KANK3: variants seen among roughly 807,000 people sequenced by gnomAD.
KANK3 encodes KN motif and ankyrin repeat domains 3, also known as KN motif and ankyrin repeat domain-containing protein 3.
Under a neutral mutation model 65.4 loss-of-function variants are expected in KANK3, and 61 were observed. That is an observed-to-expected ratio of 0.93 (90% CI 0.76 to 1.15). The LOEUF is 1.15. Ranked by LOEUF, KANK3 falls within the 50% of genes most tolerant of loss-of-function variation. The pLI, the probability that KANK3 is intolerant of heterozygous loss-of-function variation, is 0.00. For synonymous variants in KANK3, 586 were observed against 543.3 expected (o/e 1.08, Z -1.09); for missense variants, 1,187 against 1,178.8 (o/e 1.01, Z -0.10).
intron 1 of KANK3, among the ~76,000 whole-genome samples, 191 bp downstream of exon 1, chr19:8,343,034 C>T (rs769522364): frequency 6.6e-6 from 1 of 152,172 alleles, no homozygotes; most frequent in Non-Finnish European, 1.5e-5. Context: ...GAGCCCCCCA[C>T]TCTGCTCGCT....
Position 8,335,179 on chromosome 19 carries a change from C to A in KANK3, c.648G>T (p.Ala216=). The A allele has an allele frequency of 8.2e-7, 1 of 1,214,222 alleles. No individual in the cohort carries two copies. The highest frequency in any genetic ancestry group is 3.5e-5 in the South Asian group (1 of 28,600). 75.2% of individuals were successfully genotyped at this position (1,214,222 alleles called of 1,614,324 possible). A position where few individuals can be genotyped will look rare whatever the true frequency, so the allele number is the denominator to read the frequency against. Reference sequence around the variant, plus strand: ...GCAGCCGCGCCTTCTCGGCGCGCAGCGCGCGCACCTGCTCCTGCAGCTCGG... The same window carrying A: ...GCAGCCGCGCCTTCTCGGCGCGCAGAGCGCGCACCTGCTCCTGCAGCTCGG... The part of the protein sequence containing the change: ...TLPELQEQVR[A]LRAEKARLLA... The change falls in exon 3 of 11, where the codon GCG becomes GCT. Residue 216 remains alanine, a synonymous_variant. Coordinates refer to ENST00000330915, the MANE Select transcript of KANK3 (RefSeq NM_198471.3).
At chr19:8,338,873 CAAAAAAAAAAAA>C (rs35505826) in intron 1 of KANK3, among the ~76,000 whole-genome samples, 1 of 18,912 alleles carries the variant, frequency 5.3e-5, no homozygotes, top group Non-Finnish European at 1.1e-4. Context: ...GATTCCGTCT[CAAAAAAAAAAAA>C]AAAAAAAAAA....
intron 7 of KANK3, among the ~76,000 whole-genome samples, chr19:8,331,970 CA>C (rs1191225118): frequency 2.1e-5 from 3 of 140,386 alleles, no homozygotes; most frequent in Non-Finnish European, 4.6e-5. Context: ...ATGGTGGGGC[CA>C]AAAGGCCTCT....
At chr19:8,331,953 T>C (rs1363537733) in intron 7 of KANK3, among the ~76,000 whole-genome samples, 2 of 149,046 alleles carry the variant, frequency 1.3e-5, no homozygotes, top group Non-Finnish European at 1.5e-5. Flanking sequence ...AGGGCAGAAC[T>C]AGGGGTATGG....
intron 7 of KANK3, 29 bp downstream of exon 7, chr19:8,332,985 T>TGGTGG: frequency 6.8e-6 from 4 of 585,690 alleles, no homozygotes; most frequent in Non-Finnish European, 9.7e-6. Flanking sequence ...CATTTCCTGG[T>TGGTGG]GTCCCACCCA....
intron 7 of KANK3, 27 bp downstream of exon 7, chr19:8,332,987 T>TTTGGC: frequency 1.3e-5 from 5 of 395,194 alleles, no homozygotes; most frequent in Non-Finnish European, 2.4e-5. Flanking sequence ...TTTCCTGGTG[T>TTTGGC]CCCACCCACC....
At chr19:8,342,678 G>T (rs1326988905) in intron 1 of KANK3, among the ~76,000 whole-genome samples, 4 of 151,760 alleles carry the variant, frequency 2.6e-5, no homozygotes, top group Non-Finnish European at 5.9e-5. Flanking sequence ...GACTCTTGAG[G>T]TGGGTGGGTG....
In KANK3 at chr19:8,335,492, GA is replaced by G; in HGVS notation, c.334del (p.Ser112ArgfsTer4). ...APGILSQGAP[S>X]GLLMQPLSPR... ...CGACAGCGGCTGCATCAGGAGCCCCGAGGGCGCGCCCTGGGAGAGTATGCCC... is the reference window on the plus strand; with the variant it reads ...CGACAGCGGCTGCATCAGGAGCCCCGGGGCGCGCCCTGGGAGAGTATGCCC... On this transcript the variant is annotated frameshift_variant, in exon 3 of 11. Transcript: ENST00000330915. LOFTEE classifies it high-confidence loss of function. 8.1e-7 allele frequency: 1 copy of G among 1,238,548 alleles called. No individual in the cohort carries two copies. Among genetic ancestry groups the G allele is most frequent in the Non-Finnish European group, 1.0e-6 (1 of 986,210 alleles). 76.7% of individuals were successfully genotyped at this position (1,238,548 alleles called of 1,614,324 possible). A position where few individuals can be genotyped will look rare whatever the true frequency, so the allele number is the denominator to read the frequency against.
At position 8,341,752 on chromosome 19, in the gene KANK3, G is replaced by A. The variant is rs926089461; in HGVS notation, c.-29+1473C>T. ...GCAATCTTCCCAGTTCAGCCTCCCA[G>A]AGTGCTGGGATTACAAGCATGAGCT... On this transcript the variant is annotated intron_variant, in intron 1 of 10. Coordinates refer to ENST00000330915, the MANE Select transcript of KANK3 (RefSeq NM_198471.3). Among the ~76,000 whole-genome samples, 2 of 152,134 alleles carry A rather than the reference G, an allele frequency of 1.3e-5. 1 individual carries two copies. Among genetic ancestry groups the A allele is most frequent in the African/African-American group, 4.8e-5 (2 of 41,426 alleles).
intron 7 of KANK3, among the ~76,000 whole-genome samples, chr19:8,332,216 C>T (rs1021135199): frequency 2.0e-5 from 3 of 151,424 alleles, no homozygotes; most frequent in Admixed American, 6.6e-5. Flanking sequence ...CTCACTCTGT[C>T]GCCCAGGCTG....
intron 2 of KANK3, among the ~76,000 whole-genome samples, chr19:8,336,612 G>C (rs578259196): frequency 7.0e-6 from 1 of 143,490 alleles, no homozygotes; most frequent in Admixed American, 6.8e-5. Flanking sequence ...ATACATAGCT[G>C]TGCATAATGG....
rs537331903 is a variant in KANK3 at position 8,339,039 on chromosome 19, G to A, written c.-28-1183C>T. Among the ~76,000 whole-genome samples, 19 of 152,146 alleles carry A rather than the reference G, an allele frequency of 1.2e-4. No homozygotes were observed. In the South Asian group the frequency reaches 2.1e-3, roughly 17 times the overall value. ...CTTGTCTCCCTGGAATGTCGCTAGC[G>A]GAGTGTCACAGGCTTGATCCTTGGC... is the stretch of plus-strand genomic sequence containing the variant. On this transcript the variant is annotated intron_variant, in intron 1 of 10. Transcript: ENST00000330915.
Position 8,334,980 on chromosome 19 carries a change from C to T in KANK3, c.847G>A (p.Ala283Thr). The change falls in exon 3 of 11, where the codon GCG becomes ACG. Residue 283 changes from alanine to threonine, a missense_variant. By Grantham distance (58) the Ala-to-Thr change is moderately conservative (BLOSUM62 0). Transcript: ENST00000330915. ...ACCTCCCCGTCGAGGACCTGGAGCG[C>T]GCCCTCGCTGCGCCCTGCAGCCAGG... ...DGLAAGRSEG[A>T]LQVLDGEVGS... is the part of the protein sequence containing the mutation. The T allele has an allele frequency of 6.7e-7, 1 of 1,492,682 alleles. No individual in the cohort carries two copies. Among genetic ancestry groups the T allele is most frequent in the East Asian group, 2.9e-5 (1 of 34,772 alleles). 92.5% of individuals were successfully genotyped at this position (1,492,682 alleles called of 1,614,324 possible).
chr19:8,328,892 G>A lies in KANK3; in HGVS notation c.1937-3796C>T, dbSNP rs144148765. On this transcript the variant is annotated intron_variant, in intron 7 of 10. Transcript: ENST00000330915. ...GGATGTTGAAATTGACAAGTGGGCC[G>A]AGCGCGGTGGCTCACGCCTGTAGTC... Among the ~76,000 whole-genome samples the A allele has an allele frequency of 8.3e-3, 1,261 of 152,206 alleles. 8 individuals are homozygous for A. Among genetic ancestry groups the A allele is most frequent in the Non-Finnish European group, 0.012 (784 of 68,010 alleles).
chr19:8,331,447 T>TCTGC (rs1298038745), intron 7 of KANK3, among the ~76,000 whole-genome samples: 4 of 152,090 alleles, frequency 2.6e-5, no homozygotes, highest in Non-Finnish European at 5.9e-5. Context: ...ATGGGAGGGA[T>TCTGC]CTGCGTGTTT....
intron 7 of KANK3, among the ~76,000 whole-genome samples, chr19:8,326,481 TAAAAA>T (rs369948563): frequency 5.4e-4 from 65 of 119,488 alleles, no homozygotes; most frequent in East Asian, 3.2e-3. Flanking sequence ...CCACCTGTTG[TAAAAA>T]AAAAAAAAAA....
chr19:8,334,577 G>A lies in KANK3; in HGVS notation c.1250C>T (p.Ser417Phe). The A allele has an allele frequency of 1.9e-6, 3 of 1,596,302 alleles. No homozygotes were observed. Among genetic ancestry groups the A allele is most frequent in the Non-Finnish European group, 2.5e-6 (3 of 1,178,022 alleles). The change falls in exon 3 of 11, where the codon TCC (serine) becomes TTC (phenylalanine). Residue 417 changes from serine to phenylalanine, a missense_variant. By Grantham distance (155) the Ser-to-Phe change is radical. Transcript: ENST00000330915. ...AGTCAAGGAGGGCGCCTCTGCCGGGGACTCGGTCTGCGCGGCCTTTTCGGC... is the reference window on the plus strand; with the variant it reads ...AGTCAAGGAGGGCGCCTCTGCCGGGAACTCGGTCTGCGCGGCCTTTTCGGC... ...SCAEKAAQTE[S>F]PAEAPSLTQE...
In KANK3 at chr19:8,322,721, T is replaced by C. The variant is rs1970340686; in HGVS notation, c.*118A>G. On this transcript the variant is annotated 3_prime_UTR_variant, in exon 11 of 11. Transcript: ENST00000330915. ...GTCACCCCAACTGAAATTGCCTTTC[T>C]CTTCGGCCAGTGTTAGCCTCTGAGC... 2.7e-6 allele frequency: 2 copies of C among 749,490 alleles called. No individual in the cohort carries two copies. Among genetic ancestry groups the C allele is most frequent in the Admixed American group, 5.8e-5 (2 of 34,566 alleles). 46.4% of individuals were successfully genotyped at this position (749,490 alleles called of 1,614,324 possible). A position where few individuals can be genotyped will look rare whatever the true frequency, so the allele number is the denominator to read the frequency against.
chr19:8,330,045 G>C (rs1053048728), intron 7 of KANK3, among the ~76,000 whole-genome samples: 1 of 152,126 alleles, frequency 6.6e-6, no homozygotes, highest in African/African-American at 2.4e-5. Flanking sequence ...GTAGAAGCCA[G>C]AGAGGCAGAG....
Sources: gnomAD v4.1 joint callset for allele counts (sites outside exome capture counted in the v4.1 genomes callset) on GRCh38, gnomAD v4.1.1 for gene constraint, MANE v1.5 for transcripts, NCBI Gene and HGNC (gene_info 2026-07-23, HGNC 2026-07-21) for gene names.